Variants in NUCKS1 observed in about 807,000 individuals in gnomAD.
The protein encoded by NUCKS1 is nuclear ubiquitous casein and cyclin-dependent kinase substrate 1.
In NUCKS1, 2 loss-of-function variants were observed where a neutral mutation model predicts 33.0. The ratio of observed to expected loss-of-function variants is 0.06; its 90% CI spans 0.02 to 0.19. NUCKS1 has a LOEUF of 0.19. Among genes scored for constraint, NUCKS1 ranks in the 10% least tolerant of loss-of-function variants. The pLI is 1.00. For synonymous variants in NUCKS1, 106 were observed against 102.8 expected, an observed-to-expected ratio of 1.03 and a Z score of -0.19; for missense variants, 201 against 293.6, an observed-to-expected ratio of 0.68 and a Z score of 2.31.
At chr1:205,738,508 C>T (rs1375445929) in intron 1 of NUCKS1, among the ~76,000 whole-genome samples, 1 of 150,874 alleles carries the variant, frequency 6.6e-6, no homozygotes, top group Admixed American at 6.6e-5. Flanking sequence ...ATGCAATCCT[C>T]CCACCATGCT....
At chr1:205,732,794 A>AAAAAAAAAAAAC (rs1175411748) in intron 1 of NUCKS1, among the ~76,000 whole-genome samples, 1 of 151,142 alleles carries the variant, frequency 6.6e-6, no homozygotes, top group East Asian at 1.9e-4. Context: ...AAAAAAAAAA[A>AAAAAAAAAAAAC]AGTTAAGATG....
At chr1:205,723,870 T>G in intron 4 of NUCKS1, 56 bp downstream of exon 4, 1 of 1,241,194 alleles carries the variant, frequency 8.1e-7, no homozygotes, top group Non-Finnish European at 1.2e-6. Flanking sequence ...TTAAAACATC[T>G]AATAAAATAA....
At chr1:205,738,562 T>C (rs975010061) in intron 1 of NUCKS1, among the ~76,000 whole-genome samples, 18 of 151,944 alleles carry the variant, frequency 1.2e-4, no homozygotes, top group Non-Finnish European at 4.4e-5. Context: ...AAAATTATAC[T>C]TAAAAATTTG....
chr1:205,722,325 C>T (rs1303078614), intron 4 of NUCKS1, among the ~76,000 whole-genome samples: 1 of 152,144 alleles, frequency 6.6e-6, no homozygotes, highest in Non-Finnish European at 1.5e-5. Flanking sequence ...AGTGGGATCT[C>T]AGCTCACTGC....
intron 1 of NUCKS1, among the ~76,000 whole-genome samples, chr1:205,731,049 T>C (rs1484009764): frequency 1.3e-5 from 2 of 152,212 alleles, no homozygotes; most frequent in South Asian, 2.1e-4. Flanking sequence ...ACAAAAATTA[T>C]GGTAATGTTA....
intron 4 of NUCKS1, 45 bp from the exon 5 acceptor site, chr1:205,720,698 T>C: frequency 2.6e-6 from 4 of 1,547,190 alleles, no homozygotes; most frequent in Non-Finnish European, 2.6e-6. Flanking sequence ...AAGAATTTTA[T>C]ATTTGACAAG....
chr1:205,737,511 T>C (rs1177396911), intron 1 of NUCKS1, among the ~76,000 whole-genome samples: 1 of 152,222 alleles, frequency 6.6e-6, no homozygotes, highest in Admixed American at 6.5e-5. Flanking sequence ...TTGTCAGCCC[T>C]CTCCGGGTAA....
chr1:205,750,095 G>C lies in NUCKS1; in HGVS notation c.-122C>G, dbSNP rs1654470784. The C allele has an allele frequency of 1.9e-6, 2 of 1,051,340 alleles. No individual in the cohort carries two copies. Among genetic ancestry groups the C allele is most frequent in the Non-Finnish European group, 2.8e-6 (2 of 725,284 alleles). The allele number at this position is 1,051,340 out of a possible 1,614,324, so 65.1% of individuals were successfully genotyped here. Reference sequence around the variant, plus strand: ...TGGGACCGCTGCTGCCGAACCCCGAGCTGCTGGCTTCTCAAACTCCGCTGC... The same window carrying C: ...TGGGACCGCTGCTGCCGAACCCCGACCTGCTGGCTTCTCAAACTCCGCTGC... On this transcript the variant is annotated 5_prime_UTR_variant, in exon 1 of 7. Transcript: ENST00000367142.
intron 5 of NUCKS1, 42 bp downstream of exon 5, chr1:205,720,459 T>C (rs770162384): frequency 1.3e-6 from 2 of 1,593,514 alleles, no homozygotes; most frequent in East Asian, 2.2e-5. Context: ...CAAACTACAA[T>C]TATGACCAAA....
intron 1 of NUCKS1, among the ~76,000 whole-genome samples, chr1:205,730,178 T>C (rs112333099): frequency 2.0e-5 from 3 of 151,880 alleles, no homozygotes; most frequent in African/African-American, 7.3e-5. Context: ...CTCAGCCTCC[T>C]GAGTAGCTGG....
chr1:205,741,257 G>A (rs1443511767), intron 1 of NUCKS1, among the ~76,000 whole-genome samples: 6 of 137,452 alleles, frequency 4.4e-5, no homozygotes, highest in Admixed American at 3.9e-4. Flanking sequence ...CCGAGATCGC[G>A]CCACTGCACT....
intron 1 of NUCKS1, among the ~76,000 whole-genome samples, chr1:205,746,428 A>G (rs1459543143): frequency 6.9e-6 from 1 of 144,484 alleles, no homozygotes; most frequent in Non-Finnish European, 1.5e-5. Flanking sequence ...CAAGGTTAAT[A>G]AACTCACTTC....
intron 4 of NUCKS1, among the ~76,000 whole-genome samples, chr1:205,722,441 GAGA>G (rs970101841): frequency 7.9e-5 from 12 of 152,146 alleles, no homozygotes; most frequent in African/African-American, 2.9e-4. Flanking sequence ...ATTTTTAGTA[GAGA>G]AGGAGTTTTG....
intron 4 of NUCKS1, 73 bp from the exon 5 acceptor site, chr1:205,720,726 TAATTG>T: frequency 7.1e-7 from 1 of 1,403,048 alleles, no homozygotes; most frequent in African/African-American, 1.4e-5. Flanking sequence ...AAAAGATTAA[TAATTG>T]ACTGAAAACA....
intron 1 of NUCKS1, among the ~76,000 whole-genome samples, chr1:205,733,902 G>A (rs1653975917): frequency 6.6e-6 from 1 of 151,898 alleles, no homozygotes; most frequent in Admixed American, 6.6e-5. Context: ...ATTGAGACAG[G>A]GTCTTGTTCT....
intron 1 of NUCKS1, among the ~76,000 whole-genome samples, chr1:205,744,629 A>ATT (rs1558056731): frequency 9.8e-4 from 18 of 18,420 alleles, no homozygotes; most frequent in Non-Finnish European, 1.5e-3. Context: ...AGTTCACTAG[A>ATT]GTTTTTTTTT....
intron 1 of NUCKS1, among the ~76,000 whole-genome samples, chr1:205,740,645 A>G (rs1654146337): frequency 6.6e-6 from 1 of 152,032 alleles, no homozygotes; most frequent in East Asian, 1.9e-4. Context: ...AATTCACAAC[A>G]AAGCCACAAG....
rs1021772112 is a variant in NUCKS1, at chr1:205,715,560, G to C, written c.*2720C>G. 2 of 152,208 alleles carry C rather than the reference G, an allele frequency of 1.3e-5. No homozygotes were observed. The highest frequency in any genetic ancestry group is 2.9e-5 in the Non-Finnish European group (2 of 68,046). 9.4% of individuals were successfully genotyped at this position (152,208 alleles called of 1,614,324 possible). ...AGGTTACAGAAAGACTGAATAAGAT[G>C]AAAGTATGCTACGTATGTCTAGCTG... On this transcript the variant is annotated 3_prime_UTR_variant, in exon 7 of 7. Coordinates refer to ENST00000367142, the MANE Select transcript of NUCKS1 (RefSeq NM_022731.5).
Position 205,736,298 on chromosome 1 carries a change from T to G in NUCKS1, c.18-6677A>C, listed in dbSNP as rs141008039. On this transcript the variant is annotated intron_variant, in intron 1 of 6. Coordinates refer to ENST00000367142, the MANE Select transcript of NUCKS1 (RefSeq NM_022731.5). ...TTTATGGCAAAGTTCAGGTTACCATTTAGATCAAAAATTTTTAAATCATTT... is the reference window on the plus strand; with the variant it reads ...TTTATGGCAAAGTTCAGGTTACCATGTAGATCAAAAATTTTTAAATCATTT... 1.5e-4 allele frequency among the ~76,000 whole-genome samples: 23 copies of G among 152,268 alleles called. No homozygotes were observed. In the East Asian group the frequency reaches 4.2e-3, roughly 28 times the overall value.
Sources: gnomAD v4.1 joint callset for allele counts (sites outside exome capture counted in the v4.1 genomes callset) on GRCh38, gnomAD v4.1.1 for gene constraint, MANE v1.5 for transcripts, NCBI Gene and HGNC (gene_info 2026-07-23, HGNC 2026-07-21) for gene names.